CFAP92: variants seen among roughly 807,000 people sequenced by gnomAD.
The protein encoded by CFAP92 is cilia and flagella associated protein 92 (putative).
CFAP92 carries 86 observed loss-of-function variants against 106.3 expected under a neutral mutation model. The ratio of observed to expected loss-of-function variants is 0.81; its 90% CI spans 0.68 to 0.97. The LOEUF (loss-of-function observed/expected upper bound fraction) is 0.97, where lower values mean the gene tolerates loss of function less well. Ranked by LOEUF, CFAP92 falls within the 50% of genes least tolerant of loss-of-function variation. The probability of loss-of-function intolerance (pLI) is 0.00; values close to 1 mark genes in which losing one functional copy is unlikely to be tolerated. For synonymous variants in CFAP92, 477 were observed against 506.4 expected (o/e 0.94, Z 0.78); for missense variants, 1,204 against 1,283.8 (o/e 0.94, Z 0.95).
chr3:129,005,652 G>A (rs1161469203), upstream of CFAP92, among the ~76,000 whole-genome samples: 1 of 152,218 alleles, frequency 6.6e-6, no homozygotes, highest in African/African-American at 2.4e-5. Context: ...ATCCTGAGAG[G>A]AAGGTGGTCT....
At chr3:128,946,372 T>A (rs775747575) in intron 9 of CFAP92, among the ~76,000 whole-genome samples, 49 of 152,266 alleles carry the variant, frequency 3.2e-4, no homozygotes, top group Non-Finnish European at 6.0e-4. Flanking sequence ...AATATATATC[T>A]GGGGGTCGAC....
chr3:128,938,219 T>G (rs1338607964), intron 10 of CFAP92, among the ~76,000 whole-genome samples: 1 of 151,594 alleles, frequency 6.6e-6, no homozygotes, highest in Admixed American at 6.6e-5. Flanking sequence ...GTAACAGCAA[T>G]AAACCCTGTC....
intron 11 of CFAP92, among the ~76,000 whole-genome samples, 159 bp downstream of exon 11, chr3:128,934,966 A>T (rs1178900118): frequency 6.6e-6 from 1 of 152,194 alleles, no homozygotes; most frequent in East Asian, 1.9e-4. Context: ...TAGACGCCAC[A>T]GAGTCACAGC....
chr3:129,000,264 G>A (rs1254314691), intron 1 of CFAP92, among the ~76,000 whole-genome samples: 1 of 152,202 alleles, frequency 6.6e-6, no homozygotes, highest in African/African-American at 2.4e-5. Context: ...AAAAGAATAT[G>A]TCCAAAATGC....
At chr3:128,943,992 T>A (rs1332721769) in intron 10 of CFAP92, among the ~76,000 whole-genome samples, 1 of 143,472 alleles carries the variant, frequency 7.0e-6, no homozygotes, top group Non-Finnish European at 1.5e-5. Flanking sequence ...TTCAGTGGCG[T>A]GATACTGGCT....
chr3:128,909,938 A>G lies in CFAP92; in HGVS notation c.*361T>C, dbSNP rs542864098. The G allele has an allele frequency of 5.1e-6, 8 of 1,576,196 alleles. No homozygotes were observed. In the African/African-American group the frequency reaches 9.4e-5, roughly 18 times the overall value. ...CTCAAGGAACACAGGAGACTAAGAC[A>G]GGCAAAGATGCAGCCCAGGGAGGGA... On this transcript the variant is annotated 3_prime_UTR_variant, in exon 16 of 16. Transcript: ENST00000645291.
At chr3:128,937,616 AGAT>A (rs1939183031) in intron 10 of CFAP92, among the ~76,000 whole-genome samples, 1 of 147,598 alleles carries the variant, frequency 6.8e-6, no homozygotes. Context: ...AAAAAAAAAA[AGAT>A]TTTTCTGGTG....
upstream of CFAP92, chr3:129,003,351 G>C: frequency 2.1e-6 from 2 of 931,150 alleles, no homozygotes; most frequent in South Asian, 9.9e-5. Flanking sequence ...CACCAGTAAA[G>C]ACAGATAGAA....
chr3:128,923,443 G>T (rs1407776571), intron 12 of CFAP92, among the ~76,000 whole-genome samples: 1 of 152,212 alleles, frequency 6.6e-6, no homozygotes, highest in Non-Finnish European at 1.5e-5. Context: ...AATGCTTTCT[G>T]ACTGAGCTCC....
At chr3:128,924,382 C>G (rs1433980905) in intron 12 of CFAP92, among the ~76,000 whole-genome samples, 2 of 147,322 alleles carry the variant, frequency 1.4e-5, no homozygotes, top group Admixed American at 1.4e-4. Flanking sequence ...TGTGTCTAGA[C>G]TTGCTGGCTC....
chr3:128,993,430 T>G, intron 1 of CFAP92, 94 bp from the exon 2 acceptor site: 10 of 1,296,838 alleles, frequency 7.7e-6, no homozygotes, highest in Non-Finnish European at 1.0e-5. Flanking sequence ...CACCCTTCTC[T>G]TCCCTGCTTC....
intron 10 of CFAP92, among the ~76,000 whole-genome samples, chr3:128,938,090 G>A (rs1939233079): frequency 6.6e-6 from 1 of 151,194 alleles, no homozygotes; most frequent in East Asian, 1.9e-4. Context: ...AATTAGCTGG[G>A]CATGGTGGCA....
upstream of CFAP92, among the ~76,000 whole-genome samples, chr3:129,004,876 C>T (rs1944999587): frequency 6.6e-6 from 1 of 152,116 alleles, no homozygotes. Flanking sequence ...CTTGGCAGGG[C>T]TTTTGGCAGA....
At chr3:128,966,473 G>C (rs1942368847) in intron 8 of CFAP92, 1 of 152,244 alleles carries the variant, frequency 6.6e-6, no homozygotes, top group Non-Finnish European at 1.5e-5. Context: ...CTCCCACCAG[G>C]GTGGTTTTGC....
At chr3:128,998,594 T>C (rs1008437612), upstream of CFAP92, among the ~76,000 whole-genome samples, 3 of 152,170 alleles carry the variant, frequency 2.0e-5, no homozygotes, top group African/African-American at 2.4e-5. Context: ...GGCCCAGTAA[T>C]AAATCACTCA....
chr3:128,934,056 C>T (rs1938703386), intron 11 of CFAP92, among the ~76,000 whole-genome samples: 1 of 152,232 alleles, frequency 6.6e-6, no homozygotes, highest in Non-Finnish European at 1.5e-5. Context: ...TCCTCAACAG[C>T]AGCCTCTCCT....
chr3:128,943,855 T>C (rs1256839452), intron 10 of CFAP92, among the ~76,000 whole-genome samples: 1 of 151,184 alleles, frequency 6.6e-6, no homozygotes, highest in Non-Finnish European at 1.5e-5. Context: ...CTTTTATGGC[T>C]CAATTATTCT....
chr3:128,910,761 C>G, intron 15 of CFAP92: 1 of 1,614,226 alleles, frequency 6.2e-7, no homozygotes, highest in Non-Finnish European at 8.5e-7. Flanking sequence ...CCAACACCTT[C>G]TGCGTGGAAG....
intron 12 of CFAP92, among the ~76,000 whole-genome samples, chr3:128,922,211 C>T (rs895952002): frequency 2.6e-5 from 4 of 152,010 alleles, no homozygotes; most frequent in East Asian, 1.9e-4. Context: ...GGCATGGTGG[C>T]GGGCACCTGT....
Sources: allele counts gnomAD v4.1 joint callset (sites outside exome capture counted in the v4.1 genomes callset), GRCh38; gene constraint gnomAD v4.1.1; transcripts MANE v1.5; gene names NCBI Gene and HGNC (gene_info 2026-07-23, HGNC 2026-07-21).